The following FASN variants were observed in gnomAD, a reference collection of about 807,000 sequenced individuals.
The protein encoded by FASN is fatty acid synthase.
A neutral mutation model predicts 250.0 loss-of-function variants in FASN; 50 were observed. The observed-to-expected ratio is 0.20, with a 90% confidence interval of 0.16 to 0.25. The LOEUF (loss-of-function observed/expected upper bound fraction) is 0.25. FASN is among the 10% of genes least tolerant of loss of function. The probability of loss-of-function intolerance (pLI) is 1.00; values close to 1 mark genes in which losing one functional copy is unlikely to be tolerated. For synonymous variants in FASN, 1,909 were observed against 1,584.0 expected, an observed-to-expected ratio of 1.21 and a Z score of -4.87; for missense variants, 3,031 against 3,498.5, an observed-to-expected ratio of 0.87 and a Z score of 3.37.
chr17:82,089,539 T>G, intron 12 of FASN, 93 bp downstream of exon 12: 2 of 1,543,574 alleles, frequency 1.3e-6, no homozygotes, highest in Non-Finnish European at 1.8e-6. Context: ...CCGTCAGAGC[T>G]TGGTGGGGCG....
At position 82,086,527 on chromosome 17, in the gene FASN, G is replaced by A. The variant is rs772609366; in HGVS notation, c.3459C>T (p.Thr1153=). 1.2e-6 allele frequency: 2 copies of A among 1,612,082 alleles called. No individual in the cohort carries two copies. The highest frequency in any genetic ancestry group is 1.7e-5 in the Admixed American group (1 of 60,016). The stretch of plus-strand genomic sequence containing the variant: ...GCACCACCATCTTCAGCCCCTGCTG[G>A]GTCACCTTGGTCTGCAGTGCCTGCA... The part of the protein sequence containing the change: ...GLVQALQTKV[T]QQGLKMVVPG... Residue 1153 remains threonine (T), a synonymous_variant, in exon 22 of 43, where the codon ACC becomes ACT. Coordinates refer to ENST00000306749, the MANE Select transcript of FASN (RefSeq NM_004104.5).
rs765927753 is a variant in FASN at position 82,082,443 on chromosome 17, C to A, written c.5920-29G>T. 4 of 1,611,864 alleles carry A rather than the reference C, an allele frequency of 2.5e-6. No homozygotes were observed. In the Admixed American group the frequency reaches 5.0e-5, roughly 20 times the overall value. Reference sequence around the variant, plus strand: ...GGGGAGGCATCCTCAGCACTCCCTGCAGCTCCAGGGCCTCACCCGTCCACC... The same window carrying A: ...GGGGAGGCATCCTCAGCACTCCCTGAAGCTCCAGGGCCTCACCCGTCCACC... On this transcript the variant is annotated intron_variant, in intron 34 of 42. Coordinates refer to ENST00000306749, the MANE Select transcript of FASN (RefSeq NM_004104.5).
chr17:82,089,795 A>C, intron 11 of FASN, 69 bp from the exon 12 acceptor site: 1 of 1,326,700 alleles, frequency 7.5e-7, no homozygotes, highest in Non-Finnish European at 1.1e-6. Flanking sequence ...ACCCACCCAG[A>C]CACTGCCTGC....
At position 82,079,575 on chromosome 17, in the gene FASN, C is replaced by G. The variant is rs1322410829; in HGVS notation, c.7180G>C (p.Glu2394Gln). ...LEALLPLKGLEERVAAAVDLI... is the reference protein window; with the variant it reads ...LEALLPLKGLQERVAAAVDLI... ...TCCACGGCGGCTGCCACACGCTCCT[C>G]TAGGCCCTTCAGCGGCAGCAGCGCC... Residue 2394 changes from glutamate (E) to glutamine (Q), a missense_variant, in exon 42 of 43, where the codon GAG becomes CAG. Physicochemically the swap from Glu to Gln is conservative, Grantham distance 29 (BLOSUM62 2). Transcript: ENST00000306749. The G allele has an allele frequency of 1.2e-6, 2 of 1,603,988 alleles. No individual in the cohort carries two copies. Among genetic ancestry groups the G allele is most frequent in the African/African-American group, 1.3e-5 (1 of 74,934 alleles).
rs143739434 is a variant in FASN, at chr17:82,087,175, G to A, written c.3302C>T (p.Ser1101Leu). ...GVHISGLHTE[S>L]APRRQQEQQV... ...CTGCTCCTGCTGCCGCCGCGGGGCC[G>A]ACTCAGTGTGGAGCCCGGAGATGTG... The change falls in exon 21 of 43, where the codon TCG becomes TTG. Residue 1101 changes from serine (S) to leucine (L), a missense_variant. By Grantham distance (145) the Ser-to-Leu change is moderately radical. Transcript: ENST00000306749. The A allele has an allele frequency of 4.5e-5, 72 of 1,608,974 alleles. No homozygotes were observed. The highest frequency in any genetic ancestry group is 1.8e-4 in the South Asian group (16 of 90,410).
Position 82,089,164 on chromosome 17 carries a change from C to T in FASN, c.2109G>A (p.Arg703=). 1 of 1,578,088 alleles carries T rather than the reference C, an allele frequency of 6.3e-7. No individual in the cohort carries two copies. Among genetic ancestry groups the T allele is most frequent in the Non-Finnish European group, 8.6e-7 (1 of 1,162,348 alleles). ...AGCGGGCTGAACGTGGCTTCGGCTCCCGGATCACCTGCATGAGGGGCCAGG... is the reference window on the plus strand; with the variant it reads ...AGCGGGCTGAACGTGGCTTCGGCTCTCGGATCACCTGCATGAGGGGCCAGG... ...PLLQELKKVI[R]EPKPRSARWL... is the part of the protein sequence containing the mutation. The change falls in exon 14 of 43, where the codon CGG becomes CGA. Residue 703 remains arginine, a synonymous_variant. Transcript: ENST00000306749.
chr17:82,083,998 C>A lies in FASN; in HGVS notation c.5075G>T (p.Gly1692Val), dbSNP rs985360673. 5.8e-6 allele frequency: 9 copies of A among 1,539,178 alleles called. No homozygotes were observed. The Admixed American group carries it at 7.9e-5, about 13-fold the overall frequency. ...QAAIAIALSL[G>V]CRVFTTVGSA... ...ACCCACGGTGGTGAAGACGCGGCAG[C>A]CCAGACTGAGGGCGATGGCGATGGC... The change falls in exon 29 of 43, where the codon GGC (glycine) becomes GTC (valine). Residue 1692 changes from glycine (G) to valine (V), a missense_variant. Gly to Val is a moderately radical substitution (Grantham distance 109). Coordinates refer to ENST00000306749, the MANE Select transcript of FASN (RefSeq NM_004104.5).
In FASN at chr17:82,084,868, C is replaced by T; in HGVS notation, c.4495G>A (p.Gly1499Arg). Reference sequence around the variant, plus strand: ...CGGTAGACGTTCATCACCAGGTCTCCCTGCAACACCTTCTGCAGTTCTGCG... The same window carrying T: ...CGGTAGACGTTCATCACCAGGTCTCTCTGCAACACCTTCTGCAGTTCTGCG... ...GSAELQKVLQGDLVMNVYRDG... is the reference protein window; with the variant it reads ...GSAELQKVLQRDLVMNVYRDG... The change falls in exon 26 of 43, where the codon GGA becomes AGA. Residue 1499 changes from glycine (G) to arginine (R), a missense_variant. Coordinates refer to ENST00000306749, the MANE Select transcript of FASN (RefSeq NM_004104.5). 6.4e-7 allele frequency: 1 copy of T among 1,550,632 alleles called. No individual in the cohort carries two copies. The highest frequency in any genetic ancestry group is 8.7e-7 in the Non-Finnish European group (1 of 1,147,078).
At position 82,083,236 on chromosome 17, in the gene FASN, G is replaced by A; in HGVS notation, c.5531C>T (p.Ala1844Val). ...GACTTTGCCAATGTGCTTCCCTTGG[G>A]CCATGTAGCGGAAGGCGTCCTCCAC... ...AQVEDAFRYMAQGKHIGKVVV... is the reference protein window; with the variant it reads ...AQVEDAFRYMVQGKHIGKVVV... The change falls in exon 32 of 43, where the codon GCC becomes GTC. Residue 1844 changes from alanine to valine, a missense_variant. By Grantham distance (64) the Ala-to-Val change is moderately conservative (BLOSUM62 0). Transcript: ENST00000306749. 1 of 1,612,764 alleles carries A rather than the reference G, an allele frequency of 6.2e-7. No homozygotes were observed. Among genetic ancestry groups the A allele is most frequent in the Non-Finnish European group, 8.5e-7 (1 of 1,179,992 alleles).
Position 82,080,768 on chromosome 17 carries a change from G to A in FASN, c.6750C>T (p.Ile2250=), listed in dbSNP as rs764886152. The A allele has an allele frequency of 1.0e-5, 16 of 1,604,118 alleles. No individual in the cohort carries two copies. Among genetic ancestry groups the A allele is most frequent in the South Asian group, 7.8e-5 (7 of 89,378 alleles). Residue 2250 remains isoleucine, a synonymous_variant, in exon 39 of 43, where the codon ATC becomes ATT. Coordinates refer to ENST00000306749, the MANE Select transcript of FASN (RefSeq NM_004104.5). ...SERPLFLVHP[I]EGSTTVFHSL... ...TGTGGAACACGGTGGTGGAGCCCTC[G>A]ATTGGGTGCACCAGGAACAGGGGCC...
In FASN at chr17:82,092,926, C is replaced by T; in HGVS notation, c.749G>A (p.Gly250Asp). 1 of 1,606,048 alleles carries T rather than the reference C, an allele frequency of 6.2e-7. No individual in the cohort carries two copies. Among genetic ancestry groups the T allele is most frequent in the Non-Finnish European group, 8.5e-7 (1 of 1,177,058 alleles). ...RRVYATILNA[G>D]TNTDGFKEQG... ...CTCCTTGAAGCCATCTGTATTGGTG[C>T]CGGCGTTCAGGATGGTGGCGTACAC... Residue 250 changes from glycine (G) to aspartate (D), a missense_variant, in exon 6 of 43, where the codon GGC becomes GAC. Coordinates refer to ENST00000306749, the MANE Select transcript of FASN (RefSeq NM_004104.5).
chr17:82,083,857 C>G lies in FASN; in HGVS notation c.5133G>C (p.Arg1711Ser). Reference protein sequence around the residue: ...SAEKRAYLQARFPQLDSTSFA... With the variant: ...SAEKRAYLQASFPQLDSTSFA... ...AGCTGGTGCTGTCGAGCTGGGGGAA[C>G]CTGGCCTGGAGGTACGCCCGCTTCT... The change falls in exon 30 of 43, where the codon AGG (arginine) becomes AGC (serine). Residue 1711 changes from arginine to serine, a missense_variant. Physicochemically the swap from Arg to Ser is moderately radical, Grantham distance 110. Transcript: ENST00000306749. 1 of 1,589,648 alleles carries G rather than the reference C, an allele frequency of 6.3e-7. No individual in the cohort carries two copies. The highest frequency in any genetic ancestry group is 1.1e-5 in the South Asian group (1 of 87,274).
rs1274789083 is a variant in FASN at position 82,082,641 on chromosome 17, C to T, written c.5805G>A (p.Gln1935=). The T allele has an allele frequency of 4.3e-6, 7 of 1,610,668 alleles. No individual in the cohort carries two copies. The highest frequency in any genetic ancestry group is 1.3e-5 in the African/African-American group (1 of 75,044). The change falls in exon 34 of 43, where the codon CAG becomes CAA. Residue 1935 remains glutamine (Q), a synonymous_variant. Coordinates refer to ENST00000306749, the MANE Select transcript of FASN (RefSeq NM_004104.5). The part of the protein sequence containing the change: ...QAKQVRRWRR[Q]GVQVQVSTSN... Reference sequence around the variant, plus strand: ...TGGTGGACACCTGCACCTGTACGCCCTGGCGCCTCCACCGGCGGACCTGCT... The same window carrying T: ...TGGTGGACACCTGCACCTGTACGCCTTGGCGCCTCCACCGGCGGACCTGCT...
Position 82,084,780 on chromosome 17 carries a change from G to C in FASN, c.4564+19C>G, listed in dbSNP as rs763752153. ...GGGTGCAGTCTCCCGGGAGGGGCAG[G>C]GCAGTGTCGGGGGCTCACCCTCCTC... On this transcript the variant is annotated intron_variant, in intron 26 of 42. Coordinates refer to ENST00000306749, the MANE Select transcript of FASN (RefSeq NM_004104.5). 5 of 1,550,234 alleles carry C rather than the reference G, an allele frequency of 3.2e-6. No homozygotes were observed. The highest frequency in any genetic ancestry group is 4.4e-6 in the Non-Finnish European group (5 of 1,147,066).
chr17:82,083,134 C>A lies in FASN; in HGVS notation c.5566-19G>T. 3.7e-6 allele frequency: 6 copies of A among 1,610,380 alleles called. No homozygotes were observed. The highest frequency in any genetic ancestry group is 5.1e-6 in the Non-Finnish European group (6 of 1,179,954). On this transcript the variant is annotated intron_variant, in intron 32 of 42. Transcript: ENST00000306749. The stretch of plus-strand genomic sequence containing the variant: ...CAAGCACCTGCGTCCAAGCAGCACC[C>A]ACCGGCTCAGGCACTGCCTGGGGAC...
chr17:82,079,423 C>T lies in FASN; in HGVS notation c.7332G>A (p.Met2444Ile), dbSNP rs761715517. ...TPKAKYHGNV[M>I]LLRAKTGGAY... is the part of the protein sequence containing the mutation. The stretch of plus-strand genomic sequence containing the variant: ...CGCCACCCGTCTTGGCGCGCAGTAG[C>T]ATCACGTTGCCATGGTACTTGGCCT... The change falls in exon 42 of 43, where the codon ATG (methionine) becomes ATA (isoleucine). Residue 2444 changes from methionine (M) to isoleucine (I), a missense_variant. By Grantham distance (10) the Met-to-Ile change is conservative. Coordinates refer to ENST00000306749, the MANE Select transcript of FASN (RefSeq NM_004104.5). The T allele has an allele frequency of 3.4e-5, 55 of 1,613,084 alleles. No individual in the cohort carries two copies. Among genetic ancestry groups the T allele is most frequent in the Non-Finnish European group, 4.4e-5 (52 of 1,180,012 alleles).
chr17:82,083,648 C>A lies in FASN; in HGVS notation c.5219-9G>T. 1 of 1,604,368 alleles carries A rather than the reference C, an allele frequency of 6.2e-7. No homozygotes were observed. On this transcript the variant is annotated splice_polypyrimidine_tract_variant and intron_variant, in intron 30 of 42. Coordinates refer to ENST00000306749, the MANE Select transcript of FASN (RefSeq NM_004104.5). ...CAAGACCAGGTCAACGCCTAGGGGG[C>A]CAGAGGGGCCAGACAATCACACCCA...
In FASN at chr17:82,083,415, G is replaced by C. The variant is rs776458928; in HGVS notation, c.5352C>G (p.Ile1784Met). 1.6e-5 allele frequency: 26 copies of C among 1,612,642 alleles called. No homozygotes were observed. Among genetic ancestry groups the C allele is most frequent in the Non-Finnish European group, 2.1e-5 (25 of 1,180,024 alleles). ...CGTGGAATGTCACGTTCTTCAGGAA[G>C]ATAGCCATGCCTGCGGGCAGGGGCC... Reference protein sequence around the residue: ...LSQNHPLGMAIFLKNVTFHGV... With the variant: ...LSQNHPLGMAMFLKNVTFHGV... Residue 1784 changes from isoleucine (I) to methionine (M), a missense_variant, in exon 32 of 43, where the codon ATC (isoleucine) becomes ATG (methionine). Physicochemically the swap from Ile to Met is conservative, Grantham distance 10. Coordinates refer to ENST00000306749, the MANE Select transcript of FASN (RefSeq NM_004104.5).
rs1181578056 is a variant in FASN, at chr17:82,083,435, G to A, written c.5342-10C>T. The A allele has an allele frequency of 1.2e-6, 2 of 1,612,648 alleles. No homozygotes were observed. The highest frequency in any genetic ancestry group is 2.2e-5 in the East Asian group (1 of 44,888). The stretch of plus-strand genomic sequence containing the variant: ...AGGAAGATAGCCATGCCTGCGGGCA[G>A]GGGCCGTGCTCACCCAGGGCCTTCC... On this transcript the variant is annotated splice_polypyrimidine_tract_variant and intron_variant, in intron 31 of 42. Transcript: ENST00000306749.
Sources: gnomAD v4.1 joint callset for allele counts on GRCh38, gnomAD v4.1.1 for gene constraint, MANE v1.5 for transcripts, NCBI Gene and HGNC (gene_info 2026-07-23, HGNC 2026-07-21) for gene names.